The following BCAR3 variants were observed in gnomAD, a reference collection of about 807,000 sequenced individuals.
The protein encoded by BCAR3 is BCAR3 adaptor protein, NSP family member.
Under a neutral mutation model 80.1 loss-of-function variants are expected in BCAR3, and 37 were observed. The observed-to-expected ratio is 0.46, with a 90% confidence interval of 0.36 to 0.61. BCAR3 has a LOEUF of 0.61. Among genes scored for constraint, BCAR3 ranks in the 20% least tolerant of loss-of-function variants. The pLI is 0.00. For missense variants in BCAR3, 978 were observed against 1,068.2 expected, an observed-to-expected ratio of 0.92 and a Z score of 1.18; for synonymous variants, 389 against 418.9, an observed-to-expected ratio of 0.93 and a Z score of 0.87.
chr1:93,723,726 A>G (rs561362588), intron 2 of BCAR3, among the ~76,000 whole-genome samples: 59 of 152,244 alleles, frequency 3.9e-4, no homozygotes, highest in African/African-American at 1.4e-3. Flanking sequence ...TGTCTCAGAG[A>G]CAGGACCTTG....
At chr1:93,777,566 CAT>C (rs1420117208) in intron 2 of BCAR3, among the ~76,000 whole-genome samples, 24 of 151,664 alleles carry the variant, frequency 1.6e-4, no homozygotes, top group African/African-American at 5.8e-4. Flanking sequence ...CCTCCACGGG[CAT>C]GCACCACTGT....
At chr1:93,580,298 C>G (rs997638073) in intron 7 of BCAR3, among the ~76,000 whole-genome samples, 1 of 152,244 alleles carries the variant, frequency 6.6e-6, no homozygotes, top group South Asian at 2.1e-4. Flanking sequence ...AACCCAGTTC[C>G]TAAATAAGCC....
At chr1:93,702,076 G>A (rs1341317564) in intron 3 of BCAR3, among the ~76,000 whole-genome samples, 1 of 152,052 alleles carries the variant, frequency 6.6e-6, no homozygotes, top group Non-Finnish European at 1.5e-5. Context: ...TAAAGCTATC[G>A]ATCCACCCAC....
chr1:93,718,081 A>AGTCC (rs1650250813), intron 2 of BCAR3, among the ~76,000 whole-genome samples: 1 of 152,102 alleles, frequency 6.6e-6, no homozygotes, highest in Non-Finnish European at 1.5e-5. Context: ...TTCTCTGGAA[A>AGTCC]CTTCCTGCGT....
intron 2 of BCAR3, among the ~76,000 whole-genome samples, chr1:93,786,866 C>CA (rs1233579165): frequency 1.3e-5 from 2 of 152,180 alleles, no homozygotes; most frequent in African/African-American, 4.8e-5. Flanking sequence ...GCTCCAAACT[C>CA]TTTTTAAGTG....
chr1:93,709,411 G>C (rs1649940355), intron 2 of BCAR3, among the ~76,000 whole-genome samples: 1 of 152,228 alleles, frequency 6.6e-6, no homozygotes, highest in Non-Finnish European at 1.5e-5. Flanking sequence ...CAATTGGGAA[G>C]TGGTTTTGAG....
intron 2 of BCAR3, among the ~76,000 whole-genome samples, chr1:93,831,207 G>C (rs923064647): frequency 6.6e-6 from 1 of 151,960 alleles, no homozygotes; most frequent in Non-Finnish European, 1.5e-5. Context: ...TCAACTGCAG[G>C]GACACCTGCT....
chr1:93,613,748 G>T, intron 3 of BCAR3: 2 of 1,396,692 alleles, frequency 1.4e-6, no homozygotes, highest in Non-Finnish European at 1.9e-6. Flanking sequence ...TTCACAATCA[G>T]CAAGCTGCAA....
At chr1:93,615,083 T>C (rs902359522) in intron 3 of BCAR3, among the ~76,000 whole-genome samples, 2 of 151,608 alleles carry the variant, frequency 1.3e-5, no homozygotes, top group African/African-American at 4.9e-5. Flanking sequence ...GCTCCAAATA[T>C]TAACTTTTTG....
chr1:93,756,241 C>T lies in BCAR3; in HGVS notation c.-62-50099G>A, dbSNP rs368117854. The stretch of plus-strand genomic sequence containing the variant: ...CCTTGTGTGTTAGTGCCCTTGGTGG[C>T]TTGGGTTCCCCTTCTCTTAGAAAAC... On this transcript the variant is annotated intron_variant, in intron 2 of 13. Coordinates refer to the BCAR3 transcript ENST00000370244. Among the ~76,000 whole-genome samples the T allele has an allele frequency of 8.7e-4, 132 of 152,318 alleles. 4 individuals are homozygous for T. The South Asian group carries it at 0.027, about 31-fold the overall frequency.
rs536053382 is a variant in BCAR3, at chr1:93,819,095, T to A, written c.-63+26472A>T. ...CTTTTTTTTTTTTTCTGAGATGGAGTCTCACTCTGTTGCCGGGCTAGAGTG... is the reference window on the plus strand; with the variant it reads ...CTTTTTTTTTTTTTCTGAGATGGAGACTCACTCTGTTGCCGGGCTAGAGTG... On this transcript the variant is annotated intron_variant, in intron 2 of 13. Transcript: ENST00000370244. Among the ~76,000 whole-genome samples the A allele has an allele frequency of 8.0e-5, 12 of 150,876 alleles. No homozygotes were observed. The East Asian group carries it at 2.1e-3, about 27-fold the overall frequency.
At chr1:93,568,127 A>G (rs756736897) in intron 9 of BCAR3, 5 of 329,786 alleles carry the variant, frequency 1.5e-5, no homozygotes, top group Non-Finnish European at 2.9e-5. Context: ...CGGAGGTTGC[A>G]ATGAGCCAAG....
At chr1:93,621,731 A>G (rs1284480159) in intron 3 of BCAR3, among the ~76,000 whole-genome samples, 2 of 152,168 alleles carry the variant, frequency 1.3e-5, no homozygotes, top group Non-Finnish European at 2.9e-5. Flanking sequence ...AAATTGGAAG[A>G]GCTACAAGTT....
At chr1:93,643,288 GC>G (rs1281260288) in intron 2 of BCAR3, among the ~76,000 whole-genome samples, 1 of 151,230 alleles carries the variant, frequency 6.6e-6, no homozygotes, top group Non-Finnish European at 1.5e-5. Context: ...TTTTGGGGGG[GC>G]CGAGGCAGGC....
chr1:93,769,130 G>C (rs72723125), intron 2 of BCAR3, among the ~76,000 whole-genome samples: 4 of 152,064 alleles, frequency 2.6e-5, no homozygotes, highest in Non-Finnish European at 1.5e-5. Context: ...AGCAGCAGAC[G>C]ATATAACTTC....
chr1:93,601,727 C>G (rs1455113880), intron 3 of BCAR3, among the ~76,000 whole-genome samples: 2 of 152,076 alleles, frequency 1.3e-5, no homozygotes, highest in Non-Finnish European at 2.9e-5. Context: ...ATGATCAAGC[C>G]TGGCAATTAA....
At position 93,571,921 on chromosome 1, in the gene BCAR3, G is replaced by C. The variant is rs1399153698; in HGVS notation, c.1803-80C>G. 4.5e-5 allele frequency: 67 copies of C among 1,487,942 alleles called. No homozygotes were observed. In the Middle Eastern group the frequency reaches 1.2e-3, roughly 28 times the overall value. The allele number at this position is 1,487,942 out of a possible 1,614,324, so 92.2% of individuals were successfully genotyped here. A position where few individuals can be genotyped will look rare whatever the true frequency, so the allele number is the denominator to read the frequency against. ...CTAAACCAAATCAGCCAAGAGCAGG[G>C]CTGTTTTTGTGCCATTTGCTCCTTT... On this transcript the variant is annotated intron_variant, in intron 8 of 11. Coordinates refer to ENST00000260502, the MANE Select transcript of BCAR3 (RefSeq NM_003567.4).
chr1:93,668,105 A>G (rs1255714893), intron 2 of BCAR3, among the ~76,000 whole-genome samples: 1 of 152,262 alleles, frequency 6.6e-6, no homozygotes, highest in Admixed American at 6.5e-5. Context: ...CTGAAAAAAA[A>G]CATGATTTAA....
intron 2 of BCAR3, among the ~76,000 whole-genome samples, chr1:93,809,870 G>A (rs988961126): frequency 1.3e-5 from 2 of 151,634 alleles, no homozygotes; most frequent in Admixed American, 1.3e-4. Context: ...TTTATAAGAC[G>A]GTGTAAAACC....
Sources: gnomAD v4.1 joint callset for allele counts (sites outside exome capture counted in the v4.1 genomes callset) on GRCh38, gnomAD v4.1.1 for gene constraint, MANE v1.5 for transcripts, NCBI Gene and HGNC (gene_info 2026-07-23, HGNC 2026-07-21) for gene names.